ACADSB: variants seen among roughly 807,000 people sequenced by gnomAD.
The protein encoded by ACADSB is short/branched chain specific acyl-CoA dehydrogenase, mitochondrial.
A neutral mutation model predicts 54.1 loss-of-function variants in ACADSB; 40 were observed. That is an observed-to-expected ratio of 0.74 (90% CI 0.57 to 0.96). ACADSB has a LOEUF of 0.96. Ranked by LOEUF, ACADSB falls within the 40% of genes least tolerant of loss-of-function variation. The pLI is 0.00. For missense variants in ACADSB, 530 were observed against 510.4 expected (o/e 1.04, Z -0.37); for synonymous variants, 182 against 182.8 (o/e 1.00, Z 0.03).
chr10:123,019,993 G>A (rs1245061894), intron 1 of ACADSB, among the ~76,000 whole-genome samples: 6 of 151,878 alleles, frequency 4.0e-5, no homozygotes, highest in African/African-American at 7.3e-5. Flanking sequence ...TTTATTGTGA[G>A]GGAAGGAAAA....
At chr10:123,028,538 C>G (rs1850283971) in intron 1 of ACADSB, among the ~76,000 whole-genome samples, 1 of 151,890 alleles carries the variant, frequency 6.6e-6, no homozygotes, top group African/African-American at 2.4e-5. Context: ...TGTCGCACAC[C>G]TGGAGTCATA....
intron 2 of ACADSB, among the ~76,000 whole-genome samples, chr10:123,035,698 G>A (rs1364988325): frequency 1.3e-5 from 2 of 152,130 alleles, no homozygotes; most frequent in Admixed American, 6.5e-5. Flanking sequence ...GTGTCAGTAC[G>A]CAGTTCTTTG....
intron 3 of ACADSB, among the ~76,000 whole-genome samples, chr10:123,039,293 C>T (rs75476599): frequency 0.091 from 13,918 of 152,226 alleles, 719 homozygotes; most frequent in Non-Finnish European, 0.11. Flanking sequence ...TTTCTGGTTC[C>T]CTTTTCCTGT....
At chr10:123,037,969 C>A in intron 3 of ACADSB, 122 bp downstream of exon 3, 1 of 762,838 alleles carries the variant, frequency 1.3e-6, no homozygotes, top group Non-Finnish European at 2.2e-6. Flanking sequence ...TGGTTGAAAT[C>A]CTACTTGATA....
At chr10:123,037,923 T>C in intron 3 of ACADSB, 76 bp downstream of exon 3, 1 of 1,045,786 alleles carries the variant, frequency 9.6e-7, no homozygotes, top group Non-Finnish European at 1.5e-6. Flanking sequence ...TAATGAACCC[T>C]GCATTTCCCA....
Position 123,009,012 on chromosome 10 carries a change from G to T in ACADSB, c.-18G>T. 3 of 1,547,800 alleles carry T rather than the reference G, an allele frequency of 1.9e-6. No homozygotes were observed. The highest frequency in any genetic ancestry group is 1.7e-6 in the Non-Finnish European group (2 of 1,146,820). On this transcript the variant is annotated 5_prime_UTR_variant, in exon 1 of 11. Coordinates refer to ENST00000358776, the MANE Select transcript of ACADSB (RefSeq NM_001609.4). ...GCTAGAGACCCAGAGGCGCAGAGCG[G>T]AGAGGCCTGCGGCGAGGATGGAGGG...
At chr10:123,022,496 C>T (rs1850195872) in intron 1 of ACADSB, among the ~76,000 whole-genome samples, 1 of 152,206 alleles carries the variant, frequency 6.6e-6, no homozygotes, top group African/African-American at 2.4e-5. Flanking sequence ...ATGACATGAA[C>T]CCCAAAATTC....
intron 2 of ACADSB, 112 bp from the exon 3 acceptor site, chr10:123,037,635 A>G: frequency 1.5e-6 from 1 of 681,946 alleles, no homozygotes; most frequent in Admixed American, 2.7e-5. Context: ...TAAAAATATA[A>G]GAAGGGTACC....
At chr10:123,023,171 G>A (rs903499859) in intron 1 of ACADSB, among the ~76,000 whole-genome samples, 1 of 152,084 alleles carries the variant, frequency 6.6e-6, no homozygotes, top group African/African-American at 2.4e-5. Flanking sequence ...GCATGCAAAC[G>A]AAGATCATTT....
intron 7 of ACADSB, among the ~76,000 whole-genome samples, chr10:123,045,152 TATATATATATATA>T (rs1564752931): frequency 1.3e-3 from 15 of 12,000 alleles, no homozygotes; most frequent in African/African-American, 3.4e-3. Flanking sequence ...TATATATATA[TATATATATATATA>T]TATATATTTT....
intron 1 of ACADSB, among the ~76,000 whole-genome samples, chr10:123,026,158 A>G (rs1456320646): frequency 6.6e-6 from 1 of 152,198 alleles, no homozygotes; most frequent in Non-Finnish European, 1.5e-5. Context: ...TTAAAACAGC[A>G]TACTGTTTTG....
intron 1 of ACADSB, among the ~76,000 whole-genome samples, chr10:123,030,762 T>G (rs955482050): frequency 9.7e-6 from 1 of 103,474 alleles, no homozygotes; most frequent in Non-Finnish European, 2.5e-5. Flanking sequence ...ACTAACTCAA[T>G]TCTTTTGGGT....
At chr10:123,031,498 G>C (rs1850326550) in intron 1 of ACADSB, among the ~76,000 whole-genome samples, 1 of 152,198 alleles carries the variant, frequency 6.6e-6, no homozygotes, top group Admixed American at 6.5e-5. Flanking sequence ...CATTTTGATG[G>C]AGAGGACACC....
chr10:123,025,339 G>A (rs1032991941), intron 1 of ACADSB, among the ~76,000 whole-genome samples: 1 of 150,448 alleles, frequency 6.6e-6, no homozygotes, highest in Admixed American at 6.6e-5. Context: ...TGGTGTGCAC[G>A]TATAGTCCCA....
At chr10:123,029,563 C>A (rs111904691) in intron 1 of ACADSB, among the ~76,000 whole-genome samples, 69 of 152,312 alleles carry the variant, frequency 4.5e-4, no homozygotes, top group African/African-American at 1.6e-3. Flanking sequence ...CTGAACAAAT[C>A]CTCTCGCTAA....
chr10:123,037,827 C>T lies in ACADSB; in HGVS notation c.283C>T (p.Gln95Ter), dbSNP rs762196791. The change falls in exon 3 of 11, where the codon CAA becomes TAA. Residue 95 changes from glutamine (Q) to a stop codon, truncating the protein, a stop_gained. Transcript: ENST00000358776. LOFTEE classifies it high-confidence loss of function. ...ENSKMEKSVI[Q>*]GLFQQGLMGI... ...TTCGAAAATGGAGAAATCAGTAATACAAGGATTATTTCAACAAGGGGTACA... is the reference window on the plus strand; with the variant it reads ...TTCGAAAATGGAGAAATCAGTAATATAAGGATTATTTCAACAAGGGGTACA... The T allele has an allele frequency of 1.2e-6, 2 of 1,600,800 alleles. No homozygotes were observed. The highest frequency in any genetic ancestry group is 2.2e-5 in the East Asian group (1 of 44,672).
chr10:123,025,472 A>AATAC (rs1007354770), intron 1 of ACADSB, among the ~76,000 whole-genome samples: 4 of 151,840 alleles, frequency 2.6e-5, no homozygotes, highest in African/African-American at 9.7e-5. Context: ...ACGAAAAATA[A>AATAC]ATAAATAAAT....
intron 8 of ACADSB, among the ~76,000 whole-genome samples, chr10:123,047,747 T>A (rs939476885): frequency 1.8e-4 from 27 of 152,282 alleles, no homozygotes; most frequent in African/African-American, 6.5e-4. Context: ...TTTCACACAC[T>A]GCATTGGTAT....
At chr10:123,034,550 C>A (rs1355194618) in intron 2 of ACADSB, 35 bp downstream of exon 2, 6 of 1,590,242 alleles carry the variant, frequency 3.8e-6, no homozygotes, top group Middle Eastern at 3.7e-4. Context: ...TTTTTCTCCC[C>A]AGACAGGATC....
Sources: allele counts gnomAD v4.1 joint callset (sites outside exome capture counted in the v4.1 genomes callset), GRCh38; gene constraint gnomAD v4.1.1; transcripts MANE v1.5; gene names NCBI Gene and HGNC (gene_info 2026-07-23, HGNC 2026-07-21).